METTL16: variants seen among roughly 807,000 people sequenced by gnomAD.
METTL16 encodes methyltransferase 16, RNA N6-adenosine.
A neutral mutation model predicts 57.9 loss-of-function variants in METTL16; 19 were observed. The ratio of observed to expected loss-of-function variants is 0.33; its 90% confidence interval spans 0.23 to 0.48. The LOEUF (loss-of-function observed/expected upper bound fraction) is 0.48, where lower values mean the gene tolerates loss of function less well. Among genes scored for constraint, METTL16 ranks in the 20% least tolerant of loss-of-function variants. The pLI is 0.99. For missense variants in METTL16, 434 were observed against 691.5 expected (o/e 0.63, Z 4.18); for synonymous variants, 246 against 255.6 (o/e 0.96, Z 0.36).
chr17:2,425,693 C>T (rs1277431678), intron 8 of METTL16, among the ~76,000 whole-genome samples: 1 of 146,766 alleles, frequency 6.8e-6, no homozygotes, highest in Non-Finnish European at 1.5e-5. Flanking sequence ...CTTTTCTTGT[C>T]TTTTTTTTTT....
At chr17:2,464,161 A>G in intron 6 of METTL16, 47 bp downstream of exon 6, 2 of 1,573,066 alleles carry the variant, frequency 1.3e-6, no homozygotes, top group Admixed American at 3.8e-5. Flanking sequence ...GCGGGTAAAT[A>G]TTCCTGTGTT....
intron 6 of METTL16, among the ~76,000 whole-genome samples, chr17:2,452,830 A>T (rs1388974315): frequency 2.0e-5 from 3 of 151,996 alleles, no homozygotes; most frequent in African/African-American, 7.2e-5. Context: ...CCATTTTAAA[A>T]GCGTGTATTG....
intron 2 of METTL16, among the ~76,000 whole-genome samples, chr17:2,498,315 G>A (rs1660571753): frequency 6.6e-6 from 1 of 151,496 alleles, no homozygotes; most frequent in Admixed American, 6.6e-5. Flanking sequence ...AGGAGGTTGA[G>A]GCAGGAGAAT....
intron 3 of METTL16, among the ~76,000 whole-genome samples, chr17:2,475,601 A>G (rs1457572788): frequency 6.6e-6 from 1 of 152,258 alleles, no homozygotes; most frequent in African/African-American, 2.4e-5. Flanking sequence ...TTAAGACCCA[A>G]AGACTTGCAC....
In METTL16 at chr17:2,464,207, C is replaced by T; in HGVS notation, c.728+1G>A. 1 of 1,609,992 alleles carries T rather than the reference C, an allele frequency of 6.2e-7. No individual in the cohort carries two copies. The highest frequency in any genetic ancestry group is 8.5e-7 in the Non-Finnish European group (1 of 1,178,648). On this transcript the variant is annotated splice_donor_variant, in intron 6 of 9. Coordinates refer to ENST00000263092, the MANE Select transcript of METTL16 (RefSeq NM_024086.4). LOFTEE classifies it high-confidence loss of function. ...ACTCTATGTTGTAAAAACAGACTTA[C>T]CTTAATCTTTTTTTAAGTTGTAGAC...
chr17:2,449,581 C>CT (rs1424837415), intron 6 of METTL16, among the ~76,000 whole-genome samples: 1 of 152,042 alleles, frequency 6.6e-6, no homozygotes, highest in Non-Finnish European at 1.5e-5. Context: ...GATTTCAAGA[C>CT]TTCTACAAAG....
intron 6 of METTL16, among the ~76,000 whole-genome samples, chr17:2,445,511 C>T (rs1357920247): frequency 2.0e-5 from 3 of 152,046 alleles, no homozygotes; most frequent in African/African-American, 7.2e-5. Context: ...GATTTATATG[C>T]GTGGTGGCTC....
chr17:2,511,857 G>A lies in METTL16; in HGVS notation c.-99C>T. Reference sequence around the variant, plus strand: ...GCATAGCGAAGCTCCTAGAAACGCAGATGATACGCTCCCAGCGCGCCGCCA... The same window carrying A: ...GCATAGCGAAGCTCCTAGAAACGCAAATGATACGCTCCCAGCGCGCCGCCA... On this transcript the variant is annotated 5_prime_UTR_variant, in exon 1 of 10. Transcript: ENST00000263092. The A allele has an allele frequency of 5.0e-6, 2 of 398,680 alleles. No homozygotes were observed. The highest frequency in any genetic ancestry group is 8.8e-6 in the Non-Finnish European group (2 of 226,128). The allele number at this position is 398,680 out of a possible 1,614,324, so 24.7% of individuals were successfully genotyped here.
chr17:2,430,582 A>G (rs2066866510), intron 8 of METTL16, among the ~76,000 whole-genome samples: 3 of 106,038 alleles, frequency 2.8e-5, no homozygotes, highest in South Asian at 3.9e-4. Flanking sequence ...CGCCGGGCTA[A>G]TTTTTTTGTA....
intron 2 of METTL16, among the ~76,000 whole-genome samples, chr17:2,489,147 G>A (rs1189422366): frequency 6.7e-6 from 1 of 149,876 alleles, no homozygotes; most frequent in East Asian, 2.0e-4. Context: ...TTGTAGAGAA[G>A]GGGTCTCACT....
intron 6 of METTL16, among the ~76,000 whole-genome samples, chr17:2,456,837 G>A (rs1401458562): frequency 1.3e-5 from 2 of 152,020 alleles, no homozygotes; most frequent in African/African-American, 2.4e-5. Context: ...TGCCCAGGCT[G>A]GAGTACACTG....
intron 1 of METTL16, among the ~76,000 whole-genome samples, chr17:2,510,938 T>TA (rs1410819410): frequency 2.0e-5 from 3 of 152,164 alleles, no homozygotes; most frequent in Non-Finnish European, 4.4e-5. Context: ...TTACTTACTT[T>TA]AAAAAATCTC....
intron 7 of METTL16, among the ~76,000 whole-genome samples, chr17:2,440,409 C>A (rs1305681612): frequency 6.6e-6 from 1 of 152,028 alleles, no homozygotes; most frequent in South Asian, 2.1e-4. Flanking sequence ...CCACCATGCC[C>A]GGCTAATTTT....
At chr17:2,440,705 G>A (rs2066943362) in intron 7 of METTL16, among the ~76,000 whole-genome samples, 1 of 151,902 alleles carries the variant, frequency 6.6e-6, no homozygotes, top group South Asian at 2.1e-4. Flanking sequence ...GTGCAATGGT[G>A]CACACCTGTA....
At chr17:2,501,130 T>C (rs2067483908) in intron 2 of METTL16, among the ~76,000 whole-genome samples, 1 of 151,706 alleles carries the variant, frequency 6.6e-6, no homozygotes, top group Non-Finnish European at 1.5e-5. Context: ...TAAAATAAAG[T>C]AAAAATAAAA....
chr17:2,478,119 G>A, intron 2 of METTL16, among the ~76,000 whole-genome samples: 1 of 152,278 alleles, frequency 6.6e-6, no homozygotes, highest in South Asian at 2.1e-4. Flanking sequence ...ATGGAGCACA[G>A]AGATTAAATG....
chr17:2,438,296 T>A, intron 7 of METTL16, 98 bp from the exon 8 acceptor site: 1 of 855,794 alleles, frequency 1.2e-6, no homozygotes, highest in Non-Finnish European at 2.0e-6. Context: ...TCCTTCTTTT[T>A]AATCAGTTAA....
intron 1 of METTL16, among the ~76,000 whole-genome samples, chr17:2,511,539 T>G (rs2067588930): frequency 6.6e-6 from 1 of 152,052 alleles, no homozygotes; most frequent in Non-Finnish European, 1.5e-5. Flanking sequence ...CCGGGGAGTC[T>G]TTCCTACTTC....
chr17:2,457,314 G>A (rs1423029275), intron 6 of METTL16, among the ~76,000 whole-genome samples: 2 of 129,528 alleles, frequency 1.5e-5, no homozygotes, highest in East Asian at 2.2e-4. Flanking sequence ...CTCCAACATG[G>A]ACGACAGAGC....
Sources: allele counts gnomAD v4.1 joint callset (sites outside exome capture counted in the v4.1 genomes callset), GRCh38; gene constraint gnomAD v4.1.1; transcripts MANE v1.5; gene names NCBI Gene and HGNC (gene_info 2026-07-23, HGNC 2026-07-21).